Variants in DNAH3 observed in about 807,000 individuals in gnomAD.
The protein encoded by DNAH3 is axonemal beta dynein heavy chain 3.
Under a neutral mutation model 432.5 loss-of-function variants are expected in DNAH3, and 332 were observed. That is an observed-to-expected ratio of 0.77 (90% confidence interval 0.70 to 0.84). The LOEUF (loss-of-function observed/expected upper bound fraction) is 0.84. DNAH3 is among the 40% of genes least tolerant of loss of function. The pLI is 0.00. For missense variants in DNAH3, 4,861 were observed against 5,114.0 expected, an observed-to-expected ratio of 0.95 and a Z score of 1.51; for synonymous variants, 1,956 against 1,900.2, an observed-to-expected ratio of 1.03 and a Z score of -0.76.
rs1167369590 is a variant in DNAH3 at position 21,119,219 on chromosome 16, A to G, written c.1699+1521T>C. On this transcript the variant is annotated intron_variant, in intron 11 of 61. Coordinates refer to ENST00000261383, the Ensembl canonical transcript of DNAH3. ...TGACAGATCACAAGTGGGCAGGATA[A>G]TGGATCGTCTCATGGGAAGAAGTCT... 2.0e-5 allele frequency among the ~76,000 whole-genome samples: 3 copies of G among 152,182 alleles called. No individual in the cohort carries two copies. The East Asian group carries it at 5.8e-4, about 29-fold the overall frequency.
In DNAH3 at chr16:20,964,272, TTGATCTTGGAGACCCAAGGGGG is replaced by T; in HGVS notation, c.9590_9611del (p.Thr3197AsnfsTer21). On this transcript the variant is annotated frameshift_variant, in exon 53 of 62. Coordinates refer to ENST00000261383, the Ensembl canonical transcript of DNAH3. LOFTEE classifies it high-confidence loss of function. Reference sequence around the variant, plus strand: ...CCTTCGCAGCCACGATGCCAAGGAGTTGATCTTGGAGACCCAAGGGGGTGATCATGAAGTTGAGGAGACAGAC... The same window carrying T: ...CCTTCGCAGCCACGATGCCAAGGAGTTGATCATGAAGTTGAGGAGACAGAC... The T allele has an allele frequency of 6.2e-7, 1 of 1,614,138 alleles. No homozygotes were observed. The highest frequency in any genetic ancestry group is 1.1e-5 in the South Asian group (1 of 91,078).
intron 32 of DNAH3, 147 bp from the exon 33 acceptor site, chr16:21,040,090 T>C (rs1027777906): frequency 2.8e-6 from 2 of 712,016 alleles, no homozygotes; most frequent in Non-Finnish European, 4.9e-6. Flanking sequence ...GACAAGTGAG[T>C]GCAGATGGAC....
chr16:20,964,822 T>C (rs374421267), exon 53 of DNAH3: 9 of 1,614,002 alleles, frequency 5.6e-6, no homozygotes, highest in African/African-American at 1.3e-5. Flanking sequence ...CCACTGATTT[T>C]GGCACTGGAC....
chr16:21,039,556 G>A (rs970577438), intron 33 of DNAH3, among the ~76,000 whole-genome samples: 4 of 150,872 alleles, frequency 2.7e-5, no homozygotes, highest in Admixed American at 2.0e-4. Flanking sequence ...AGTAATGTGG[G>A]TATGGATGTG....
At chr16:21,150,427 T>C in intron 1 of DNAH3, 1 of 417,312 alleles carries the variant, frequency 2.4e-6, no homozygotes, top group Non-Finnish European at 4.7e-6. Flanking sequence ...CACTTCCTTA[T>C]AGCATAATGG....
At chr16:20,994,850 T>A (rs529017958) in intron 44 of DNAH3, among the ~76,000 whole-genome samples, 55 of 152,232 alleles carry the variant, frequency 3.6e-4, no homozygotes, top group South Asian at 2.1e-3. Context: ...GTCTTTTTTT[T>A]TAAAAAAATC....
chr16:21,098,838 C>T lies in DNAH3; in HGVS notation c.2367-69G>A. ...GTGCACTTTCAAAACATCAGCACTG[C>T]TTGCCCATATTTAAGCCTGCAGACA... On this transcript the variant is annotated intron_variant, in intron 16 of 61. Coordinates refer to ENST00000261383, the Ensembl canonical transcript of DNAH3. 2.7e-6 allele frequency: 4 copies of T among 1,505,870 alleles called. No homozygotes were observed. In the South Asian group the frequency reaches 5.2e-5, roughly 20 times the overall value. The allele number at this position is 1,505,870 out of a possible 1,614,324, so 93.3% of individuals were successfully genotyped here.
intron 49 of DNAH3, among the ~76,000 whole-genome samples, chr16:20,980,821 T>C (rs528020871): frequency 6.6e-5 from 10 of 152,362 alleles, no homozygotes; most frequent in Admixed American, 1.3e-4. Flanking sequence ...TACTGAGGCA[T>C]TAAATCAGGG....
intron 8 of DNAH3, 145 bp from the exon 10 acceptor site, chr16:21,125,515 CCA>C (rs902333850): frequency 1.1e-5 from 6 of 529,524 alleles, no homozygotes; most frequent in African/African-American, 1.9e-5. Context: ...CAATTTCCAG[CCA>C]CCTTACCTGC....
intron 58 of DNAH3, among the ~76,000 whole-genome samples, chr16:20,943,147 C>T (rs536369966): frequency 9.6e-4 from 146 of 152,160 alleles, no homozygotes; most frequent in Admixed American, 1.7e-3. Context: ...GTGGCATGAT[C>T]TCAGCTCACT....
chr16:21,062,625 G>C (rs1353113955), exon 25 of DNAH3: 1 of 1,614,144 alleles, frequency 6.2e-7, no homozygotes, highest in African/African-American at 1.3e-5. Flanking sequence ...TGCACTCGGA[G>C]AGGGTCCTTT....
intron 60 of DNAH3, 61 bp downstream of exon 60, chr16:20,936,588 G>GA: frequency 2.7e-6 from 4 of 1,468,932 alleles, no homozygotes; most frequent in Non-Finnish European, 3.7e-6. Flanking sequence ...TGCCATTTCA[G>GA]AATGTCCTCT....
chr16:21,024,505 G>T, intron 39 of DNAH3, 91 bp downstream of exon 39: 1 of 871,876 alleles, frequency 1.1e-6, no homozygotes, highest in Non-Finnish European at 1.7e-6. Flanking sequence ...TTGCCTCCAG[G>T]GACTATGAAG....
chr16:21,091,057 G>T (rs369086533), intron 18 of DNAH3, among the ~76,000 whole-genome samples: 6 of 152,100 alleles, frequency 3.9e-5, no homozygotes, highest in African/African-American at 1.4e-4. Context: ...GGAGGTTGAG[G>T]TGGGAGGATC....
At chr16:21,096,333 T>C (rs1011951343) in intron 18 of DNAH3, among the ~76,000 whole-genome samples, 14 of 151,848 alleles carry the variant, frequency 9.2e-5, no homozygotes, top group African/African-American at 3.1e-4. Flanking sequence ...GTTCTCACTA[T>C]GTTACTGAGG....
intron 35 of DNAH3, among the ~76,000 whole-genome samples, chr16:21,036,320 CA>C (rs2089165444): frequency 6.6e-6 from 1 of 152,156 alleles, no homozygotes; most frequent in Non-Finnish European, 1.5e-5. Flanking sequence ...AGCAAGACTG[CA>C]TCTCAAAAAC....
chr16:21,062,341 C>T (rs2090387797), intron 25 of DNAH3, 141 bp downstream of exon 25: 1 of 663,446 alleles, frequency 1.5e-6, no homozygotes, highest in Admixed American at 2.9e-5. Flanking sequence ...GTAACTTCCC[C>T]AAATCTTCAG....
At chr16:21,130,223 T>C (rs1411487832) in intron 7 of DNAH3, 2 of 151,946 alleles carry the variant, frequency 1.3e-5, no homozygotes, top group Non-Finnish European at 2.9e-5. Context: ...ATGCTAGAGT[T>C]GTCCAGAGTA....
At chr16:20,941,785 C>T (rs1048894769) in intron 58 of DNAH3, among the ~76,000 whole-genome samples, 22 of 152,124 alleles carry the variant, frequency 1.4e-4, no homozygotes, top group African/African-American at 4.8e-4. Flanking sequence ...TGGCAGAGCA[C>T]GGTGGCTCAC....
Sources: allele counts gnomAD v4.1 joint callset (sites outside exome capture counted in the v4.1 genomes callset), GRCh38; gene constraint gnomAD v4.1.1; transcripts MANE v1.5; gene names NCBI Gene and HGNC (gene_info 2026-07-23, HGNC 2026-07-21).